DSCAM: variants seen among roughly 807,000 people sequenced by gnomAD.
The protein encoded by DSCAM is DS cell adhesion molecule.
A neutral mutation model predicts 217.7 loss-of-function variants in DSCAM; 47 were observed. The observed-to-expected ratio is 0.22, with a 90% CI of 0.17 to 0.28. DSCAM has a LOEUF of 0.28. Among genes scored for constraint, DSCAM ranks in the 10% least tolerant of loss-of-function variants. The pLI is 1.00. For missense variants in DSCAM, 2,080 were observed against 2,618.3 expected (o/e 0.79, Z 4.49); for synonymous variants, 1,056 against 1,015.3 (o/e 1.04, Z -0.76).
At chr21:40,266,438 A>G (rs2123344252) in intron 11 of DSCAM, among the ~76,000 whole-genome samples, 1 of 152,028 alleles carries the variant, frequency 6.6e-6, no homozygotes, top group African/African-American at 2.4e-5. Context: ...AGAAAACAGT[A>G]TGGAGGTTTC....
At chr21:40,647,507 T>C (rs1453502247) in intron 3 of DSCAM, among the ~76,000 whole-genome samples, 1 of 127,630 alleles carries the variant, frequency 7.8e-6, no homozygotes, top group African/African-American at 2.6e-5. Flanking sequence ...ATAAGTTTAA[T>C]GGACCACTCG....
intron 6 of DSCAM, among the ~76,000 whole-genome samples, chr21:40,342,231 TGATAC>T (rs1321779465): frequency 1.3e-5 from 2 of 152,206 alleles, no homozygotes; most frequent in African/African-American, 4.8e-5. Context: ...TATAATGATC[TGATAC>T]ATTTGTAAGA....
At chr21:40,593,589 A>G (rs2076999490) in intron 3 of DSCAM, among the ~76,000 whole-genome samples, 2 of 152,068 alleles carry the variant, frequency 1.3e-5, no homozygotes, top group South Asian at 2.1e-4. Flanking sequence ...CAAGTGATCC[A>G]CCCACCTTGG....
chr21:40,488,727 TA>T (rs1209570737), intron 3 of DSCAM, among the ~76,000 whole-genome samples: 1 of 152,228 alleles, frequency 6.6e-6, no homozygotes, highest in Non-Finnish European at 1.5e-5. Context: ...TTTATTTCAC[TA>T]TTGTCTTTTC....
At chr21:40,628,119 C>T (rs1462557565) in intron 3 of DSCAM, among the ~76,000 whole-genome samples, 1 of 152,184 alleles carries the variant, frequency 6.6e-6, no homozygotes, top group African/African-American at 2.4e-5. Flanking sequence ...TCTTTGTAGA[C>T]AGAAAAGATC....
At chr21:40,101,627 T>G (rs1415530470) in intron 20 of DSCAM, among the ~76,000 whole-genome samples, 1 of 152,130 alleles carries the variant, frequency 6.6e-6, no homozygotes, top group African/African-American at 2.4e-5. Context: ...ACCGATGTCA[T>G]GTAACAGGGG....
At chr21:40,302,153 T>C (rs2074023971) in intron 9 of DSCAM, among the ~76,000 whole-genome samples, 1 of 152,182 alleles carries the variant, frequency 6.6e-6, no homozygotes, top group Non-Finnish European at 1.5e-5. Flanking sequence ...GTGAGCCGGC[T>C]TGCCAATATA....
At chr21:40,671,755 AATGAACTGAC>A (rs1440727007) in intron 3 of DSCAM, among the ~76,000 whole-genome samples, 1 of 152,154 alleles carries the variant, frequency 6.6e-6, no homozygotes, top group African/African-American at 2.4e-5. Context: ...AATTTATAAA[AATGAACTGAC>A]ATTAGACTAC....
intron 8 of DSCAM, among the ~76,000 whole-genome samples, chr21:40,330,244 T>C (rs2074362334): frequency 6.7e-6 from 1 of 148,298 alleles, no homozygotes; most frequent in Admixed American, 6.8e-5. Flanking sequence ...ACATAACATA[T>C]ATTTATGCAT....
At chr21:40,448,520 C>T (rs2075693248) in intron 3 of DSCAM, among the ~76,000 whole-genome samples, 1 of 152,078 alleles carries the variant, frequency 6.6e-6, no homozygotes, top group African/African-American at 2.4e-5. Context: ...ACCAGCTTTC[C>T]TGGTTCAGCT....
intron 3 of DSCAM, among the ~76,000 whole-genome samples, chr21:40,653,788 C>T (rs908459698): frequency 2.0e-5 from 3 of 152,114 alleles, no homozygotes; most frequent in Non-Finnish European, 2.9e-5. Context: ...CTAACCATGC[C>T]GTCTTTGTGG....
chr21:40,661,789 G>A (rs1479363217), intron 3 of DSCAM, among the ~76,000 whole-genome samples: 4 of 152,236 alleles, frequency 2.6e-5, no homozygotes, highest in Admixed American at 2.6e-4. Flanking sequence ...TTTGGGGCGT[G>A]TCCAAAGGGA....
At chr21:40,278,073 T>A (rs2073712522) in intron 10 of DSCAM, among the ~76,000 whole-genome samples, 1 of 152,032 alleles carries the variant, frequency 6.6e-6, no homozygotes, top group South Asian at 2.1e-4. Flanking sequence ...CAATGTCAAT[T>A]TTATTTATGT....
intron 3 of DSCAM, among the ~76,000 whole-genome samples, chr21:40,543,792 A>C (rs1225586898): frequency 6.6e-6 from 1 of 152,202 alleles, no homozygotes; most frequent in Non-Finnish European, 1.5e-5. Flanking sequence ...CCAGGCAACG[A>C]AAGTATTAAA....
At chr21:40,160,917 C>T (rs1568974775) in intron 16 of DSCAM, among the ~76,000 whole-genome samples, 1 of 152,220 alleles carries the variant, frequency 6.6e-6, no homozygotes. Context: ...GGTCCTAAGC[C>T]TTAGTCCAAG....
chr21:40,060,343 TGAG>T (rs1265397486), intron 28 of DSCAM, among the ~76,000 whole-genome samples: 5 of 152,296 alleles, frequency 3.3e-5, no homozygotes, highest in African/African-American at 9.6e-5. Context: ...CTCTAGAATA[TGAG>T]GAGAAGAGAA....
intron 3 of DSCAM, among the ~76,000 whole-genome samples, chr21:40,552,991 G>T (rs897985035): frequency 2.0e-5 from 3 of 152,166 alleles, no homozygotes; most frequent in African/African-American, 7.2e-5. Context: ...AGATTAGGAT[G>T]CAAATCCAAC....
intron 3 of DSCAM, among the ~76,000 whole-genome samples, chr21:40,505,640 A>G (rs73902651): frequency 6.6e-6 from 1 of 152,188 alleles, no homozygotes; most frequent in South Asian, 2.1e-4. Flanking sequence ...ACCTGTTTAC[A>G]GGGACTCTTA....
intron 1 of DSCAM, among the ~76,000 whole-genome samples, chr21:40,776,147 G>A (rs777599574): frequency 3.3e-5 from 5 of 151,902 alleles, no homozygotes; most frequent in Admixed American, 6.6e-5. Context: ...CATGTTTCTC[G>A]ATGATGTTTT....
Sources: allele counts gnomAD v4.1 joint callset (sites outside exome capture counted in the v4.1 genomes callset), GRCh38; gene constraint gnomAD v4.1.1; transcripts MANE v1.5; gene names NCBI Gene and HGNC (gene_info 2026-07-23, HGNC 2026-07-21).